The following LRRC4C variants were observed in gnomAD, a reference collection of about 807,000 sequenced individuals.
LRRC4C encodes the protein leucine rich repeat containing 4C.
Under a neutral mutation model 33.6 loss-of-function variants are expected in LRRC4C, and 5 were observed. The observed-to-expected ratio is 0.15, with a 90% confidence interval of 0.08 to 0.31. LRRC4C has a LOEUF of 0.31. Among genes scored for constraint, LRRC4C ranks in the 10% least tolerant of loss-of-function variants. The pLI, the probability that LRRC4C is intolerant of heterozygous loss-of-function variation, is 1.00. For synonymous variants in LRRC4C, 329 were observed against 302.0 expected, an observed-to-expected ratio of 1.09 and a Z score of -0.93; for missense variants, 560 against 796.7, an observed-to-expected ratio of 0.70 and a Z score of 3.58.
intron 2 of LRRC4C, among the ~76,000 whole-genome samples, chr11:40,682,078 C>A (rs1253516354): frequency 6.6e-6 from 1 of 151,828 alleles, no homozygotes; most frequent in Non-Finnish European, 1.5e-5. Flanking sequence ...ACCACCTGCA[C>A]CCCAATTACT....
intron 3 of LRRC4C, among the ~76,000 whole-genome samples, chr11:40,389,527 T>C (rs933749106): frequency 1.3e-5 from 2 of 152,102 alleles, no homozygotes; most frequent in African/African-American, 4.8e-5. Context: ...TCATTTTAAA[T>C]ATCTAGAAAC....
At chr11:40,828,305 A>T (rs141818365) in intron 2 of LRRC4C, among the ~76,000 whole-genome samples, 1 of 151,756 alleles carries the variant, frequency 6.6e-6, no homozygotes, top group African/African-American at 2.4e-5. Flanking sequence ...TTTCTCCAGC[A>T]TGGTGAAAAT....
intron 1 of LRRC4C, among the ~76,000 whole-genome samples, chr11:41,296,933 T>C (rs982149614): frequency 6.6e-6 from 1 of 152,202 alleles, no homozygotes; most frequent in African/African-American, 2.4e-5. Context: ...ATACAAGCAG[T>C]GAGAAAGTCC....
At chr11:40,686,057 C>G (rs1163340164) in intron 2 of LRRC4C, among the ~76,000 whole-genome samples, 1 of 151,796 alleles carries the variant, frequency 6.6e-6, no homozygotes, top group Non-Finnish European at 1.5e-5. Flanking sequence ...CTTTTTTCAA[C>G]CTCATCATAT....
intron 3 of LRRC4C, among the ~76,000 whole-genome samples, chr11:40,447,972 A>G (rs1217202522): frequency 1.3e-5 from 2 of 152,144 alleles, no homozygotes; most frequent in East Asian, 3.9e-4. Flanking sequence ...GCTTGCCACC[A>G]TGGCCAACTA....
intron 3 of LRRC4C, among the ~76,000 whole-genome samples, chr11:40,587,256 T>C (rs1305881276): frequency 6.8e-6 from 1 of 147,464 alleles, no homozygotes. Flanking sequence ...GGGAGTTCAC[T>C]CATGATTTGG....
chr11:41,202,357 A>G (rs1946432726), intron 1 of LRRC4C, among the ~76,000 whole-genome samples: 1 of 152,190 alleles, frequency 6.6e-6, no homozygotes, highest in Non-Finnish European at 1.5e-5. Flanking sequence ...TCATCAATTT[A>G]AAAGGGGAGT....
intron 6 of LRRC4C, among the ~76,000 whole-genome samples, chr11:40,135,831 CT>C (rs1425204779): frequency 6.6e-6 from 1 of 152,128 alleles, no homozygotes; most frequent in Admixed American, 6.5e-5. Context: ...ACAGAATGTT[CT>C]TTCTATGCCA....
intron 2 of LRRC4C, among the ~76,000 whole-genome samples, chr11:40,672,331 C>T (rs2136280849): frequency 6.6e-6 from 1 of 152,206 alleles, no homozygotes; most frequent in Admixed American, 6.5e-5. Flanking sequence ...ATCTAATCAC[C>T]TCCCAAATGC....
chr11:40,247,331 AC>A (rs544868999), intron 4 of LRRC4C, among the ~76,000 whole-genome samples: 91 of 152,254 alleles, frequency 6.0e-4, no homozygotes, highest in African/African-American at 2.1e-3. Flanking sequence ...TTCTCTGCCT[AC>A]CAGGAAGGCT....
rs545632003 is a variant in LRRC4C, at chr11:40,463,267, GTAT to G, written c.-269-143549_-269-143547del. 3.4e-3 allele frequency among the ~76,000 whole-genome samples: 511 copies of G among 150,990 alleles called. 3 individuals carry two copies. The highest frequency in any genetic ancestry group is 5.9e-3 in the Non-Finnish European group (397 of 67,664). On this transcript the variant is annotated intron_variant, in intron 3 of 6. Coordinates refer to ENST00000528697, the MANE Select transcript of LRRC4C (RefSeq NM_001258419.2). Reference sequence around the variant, plus strand: ...AGTATAGAAGTATAGAGGCATAGAAGTATTATTGGGAAGATATAGGTGTGCGTA... The same window carrying G: ...AGTATAGAAGTATAGAGGCATAGAAGTATTGGGAAGATATAGGTGTGCGTA...
intron 1 of LRRC4C, among the ~76,000 whole-genome samples, chr11:41,068,757 A>G (rs1182400467): frequency 1.3e-5 from 2 of 152,142 alleles, no homozygotes; most frequent in Non-Finnish European, 2.9e-5. Flanking sequence ...GGCAGTAATT[A>G]TTAACCTACC....
chr11:40,897,088 C>T (rs958310141), intron 2 of LRRC4C, among the ~76,000 whole-genome samples: 4 of 152,276 alleles, frequency 2.6e-5, no homozygotes, highest in Non-Finnish European at 5.9e-5. Context: ...TTTGCAATGA[C>T]TATTCAGTGT....
At chr11:40,429,531 G>A (rs919748616) in intron 3 of LRRC4C, among the ~76,000 whole-genome samples, 3 of 151,074 alleles carry the variant, frequency 2.0e-5, no homozygotes, top group African/African-American at 7.4e-5. Flanking sequence ...GATTCATCAT[G>A]GATCTCCAAA....
At chr11:40,960,543 A>G (rs1265049532) in intron 1 of LRRC4C, among the ~76,000 whole-genome samples, 2 of 151,734 alleles carry the variant, frequency 1.3e-5, no homozygotes, top group African/African-American at 4.8e-5. Flanking sequence ...TGACCTCTGC[A>G]TACACAAGAT....
intron 3 of LRRC4C, among the ~76,000 whole-genome samples, chr11:40,379,070 A>T (rs185809031): frequency 1.3e-5 from 2 of 152,272 alleles, no homozygotes; most frequent in Admixed American, 1.3e-4. Flanking sequence ...CAATGTCATA[A>T]TCTTCTTTAA....
chr11:40,456,148 C>A (rs898153901), intron 3 of LRRC4C, among the ~76,000 whole-genome samples: 10 of 152,156 alleles, frequency 6.6e-5, no homozygotes, highest in Non-Finnish European at 1.2e-4. Context: ...TAATCAACCT[C>A]TTTAGCGTAT....
intron 5 of LRRC4C, among the ~76,000 whole-genome samples, chr11:40,148,763 T>C (rs1379860196): frequency 6.6e-6 from 1 of 152,208 alleles, no homozygotes; most frequent in African/African-American, 2.4e-5. Context: ...CCTGTTCCTA[T>C]GGCCAGAATG....
At chr11:41,152,936 A>G (rs1944063662) in intron 1 of LRRC4C, among the ~76,000 whole-genome samples, 1 of 152,208 alleles carries the variant, frequency 6.6e-6, no homozygotes, top group Admixed American at 6.5e-5. Flanking sequence ...TTCATCTTAT[A>G]GTCTTATATG....
Sources: gnomAD v4.1 joint callset for allele counts (sites outside exome capture counted in the v4.1 genomes callset) on GRCh38, gnomAD v4.1.1 for gene constraint, MANE v1.5 for transcripts, NCBI Gene and HGNC (gene_info 2026-07-23, HGNC 2026-07-21) for gene names.